The following EPHA6 variants were observed in gnomAD, a reference collection of about 807,000 sequenced individuals.
EPHA6 encodes ephrin type-A receptor 6.
EPHA6 carries 50 observed loss-of-function variants against 112.0 expected under a neutral mutation model. The observed-to-expected ratio is 0.45, with a 90% CI of 0.36 to 0.56. The LOEUF (loss-of-function observed/expected upper bound fraction) is 0.56. EPHA6 is among the 20% of genes least tolerant of loss of function. EPHA6 has a pLI of 0.00. For missense variants in EPHA6, 1,280 were observed against 1,417.4 expected, an observed-to-expected ratio of 0.90 and a Z score of 1.56; for synonymous variants, 529 against 490.7, an observed-to-expected ratio of 1.08 and a Z score of -1.03.
intron 10 of EPHA6, among the ~76,000 whole-genome samples, chr3:97,522,752 T>C (rs537964449): frequency 6.6e-6 from 1 of 152,282 alleles, no homozygotes; most frequent in Non-Finnish European, 1.5e-5. Context: ...TTTATTTTTC[T>C]TAACTTTGTC....
intron 3 of EPHA6, among the ~76,000 whole-genome samples, chr3:97,205,348 T>C (rs1047374043): frequency 1.3e-5 from 2 of 151,996 alleles, no homozygotes; most frequent in South Asian, 4.1e-4. Flanking sequence ...TAAAGTGCCC[T>C]TTCAATTACA....
chr3:97,681,080 G>T (rs2031825371), intron 14 of EPHA6, among the ~76,000 whole-genome samples: 2 of 152,060 alleles, frequency 1.3e-5, no homozygotes, highest in South Asian at 4.1e-4. Context: ...TGAAAAATAG[G>T]AAGAGGAATT....
In EPHA6 at chr3:97,119,787, C is replaced by T. The variant is rs568190195; in HGVS notation, c.1115-106477C>T. Reference sequence around the variant, plus strand: ...TATTATTTTAGTTGTTTACTTTAATCTGTCAAATGGTTTATGGTAAACTCT... The same window carrying T: ...TATTATTTTAGTTGTTTACTTTAATTTGTCAAATGGTTTATGGTAAACTCT... On this transcript the variant is annotated intron_variant, in intron 3 of 17. Coordinates refer to ENST00000389672, the MANE Select transcript of EPHA6 (RefSeq NM_001080448.3). Among the ~76,000 whole-genome samples, 5 of 152,116 alleles carry T rather than the reference C, an allele frequency of 3.3e-5. No homozygotes were observed. The South Asian group carries it at 1.0e-3, about 31-fold the overall frequency.
chr3:97,264,330 G>A (rs567762810), intron 5 of EPHA6, among the ~76,000 whole-genome samples: 32 of 152,370 alleles, frequency 2.1e-4, no homozygotes, highest in Admixed American at 1.1e-3. Context: ...CGGCCATTGC[G>A]CACAGTTGGA....
intron 11 of EPHA6, among the ~76,000 whole-genome samples, chr3:97,587,989 TCA>T (rs2093506608): frequency 2.0e-5 from 3 of 152,120 alleles, no homozygotes; most frequent in Admixed American, 1.3e-4. Flanking sequence ...AATTCTCTGA[TCA>T]CACACATCTA....
chr3:97,403,914 T>C (rs1231433500), intron 5 of EPHA6, among the ~76,000 whole-genome samples: 1 of 152,192 alleles, frequency 6.6e-6, no homozygotes, highest in African/African-American at 2.4e-5. Context: ...GGTTTATCCT[T>C]ACAGCTTTTT....
In EPHA6 at chr3:97,135,196, A is replaced by G. The variant is rs114567766; in HGVS notation, c.1115-91068A>G. ...AACTAGCAGGATATGACACAGTGGC[A>G]CAACGCTAACTTTTAAAGTTAGAAT... On this transcript the variant is annotated intron_variant, in intron 3 of 17. Coordinates refer to ENST00000389672, the MANE Select transcript of EPHA6 (RefSeq NM_001080448.3). Among the ~76,000 whole-genome samples, 515 of 152,300 alleles carry G rather than the reference A, an allele frequency of 3.4e-3. 1 individual carries two copies. Among genetic ancestry groups the G allele is most frequent in the African/African-American group, 0.012 (479 of 41,566 alleles).
At chr3:97,358,299 ACT>A (rs2084189363) in intron 5 of EPHA6, among the ~76,000 whole-genome samples, 2 of 150,504 alleles carry the variant, frequency 1.3e-5, no homozygotes, top group African/African-American at 2.4e-5. Flanking sequence ...AAGTTACAAC[ACT>A]CTAATTTGAA....
chr3:97,519,679 A>T (rs1056176408), intron 10 of EPHA6, among the ~76,000 whole-genome samples: 13 of 152,074 alleles, frequency 8.5e-5, no homozygotes, highest in Non-Finnish European at 1.3e-4. Context: ...GATTTTCCTC[A>T]TAGAGATCTT....
chr3:97,591,939 T>A (rs2107345082), intron 11 of EPHA6, among the ~76,000 whole-genome samples: 1 of 152,356 alleles, frequency 6.6e-6, no homozygotes, highest in East Asian at 1.9e-4. Flanking sequence ...TCTGACACTC[T>A]TTTATTCTAT....
chr3:96,904,955 C>A (rs960242715), intron 2 of EPHA6, among the ~76,000 whole-genome samples: 1 of 152,068 alleles, frequency 6.6e-6, no homozygotes, highest in Non-Finnish European at 1.5e-5. Context: ...TATGCTGATA[C>A]CCATCGTATG....
intron 3 of EPHA6, among the ~76,000 whole-genome samples, chr3:97,134,667 A>G (rs1353547340): frequency 6.6e-6 from 1 of 152,160 alleles, no homozygotes; most frequent in Non-Finnish European, 1.5e-5. Context: ...ACTATATCTC[A>G]TTAGAGAAAA....
At chr3:97,308,884 C>G (rs527610258) in intron 5 of EPHA6, among the ~76,000 whole-genome samples, 1 of 151,894 alleles carries the variant, frequency 6.6e-6, no homozygotes, top group East Asian at 1.9e-4. Flanking sequence ...TTGACTCCTT[C>G]AGACCCATGA....
chr3:97,182,342 TATC>T lies in EPHA6; in HGVS notation c.1115-43919_1115-43917del, dbSNP rs770825328. On this transcript the variant is annotated intron_variant, in intron 3 of 17. Transcript: ENST00000389672. Reference sequence around the variant, plus strand: ...TTATTATTATAATATTATATATAATTATCATATTATAATAAATATGTTTGTTTC... The same window carrying T: ...TTATTATTATAATATTATATATAATTATATTATAATAAATATGTTTGTTTC... Among the ~76,000 whole-genome samples the T allele has an allele frequency of 1.9e-4, 28 of 148,910 alleles. No homozygotes were observed. The East Asian group carries it at 2.3e-3, about 12-fold the overall frequency.
intron 2 of EPHA6, among the ~76,000 whole-genome samples, chr3:96,949,372 C>T (rs1220450517): frequency 1.3e-5 from 2 of 151,980 alleles, no homozygotes; most frequent in African/African-American, 2.4e-5. Context: ...CAAAATTTTG[C>T]AGTATTACTT....
intron 3 of EPHA6, among the ~76,000 whole-genome samples, chr3:97,053,370 G>A (rs1395433640): frequency 6.6e-6 from 1 of 152,082 alleles, no homozygotes; most frequent in East Asian, 1.9e-4. Context: ...ATGGGAACAT[G>A]TGCTGGTACT....
At chr3:97,187,121 C>T (rs751284082) in intron 3 of EPHA6, among the ~76,000 whole-genome samples, 1 of 152,108 alleles carries the variant, frequency 6.6e-6, no homozygotes, top group Non-Finnish European at 1.5e-5. Context: ...TTTTATTTCT[C>T]GTTCACATTA....
intron 14 of EPHA6, among the ~76,000 whole-genome samples, chr3:97,638,816 TAAAC>T (rs1362074226): frequency 2.6e-5 from 4 of 152,162 alleles, no homozygotes; most frequent in Non-Finnish European, 5.9e-5. Context: ...GTTATTTTTT[TAAAC>T]AAACCTTCAC....
chr3:97,680,347 A>C (rs1209072320), intron 14 of EPHA6, among the ~76,000 whole-genome samples: 1 of 152,196 alleles, frequency 6.6e-6, no homozygotes, highest in Non-Finnish European at 1.5e-5. Flanking sequence ...CATCAGGCCC[A>C]GCCCACAAGC....
Sources: allele counts gnomAD v4.1 joint callset (sites outside exome capture counted in the v4.1 genomes callset), GRCh38; gene constraint gnomAD v4.1.1; transcripts MANE v1.5; gene names NCBI Gene and HGNC (gene_info 2026-07-23, HGNC 2026-07-21).